CSF2RB: variants seen among roughly 807,000 people sequenced by gnomAD.
CSF2RB encodes colony stimulating factor 2 receptor subunit beta, also known as cytokine receptor common subunit beta.
Under a neutral mutation model 67.2 loss-of-function variants are expected in CSF2RB, and 22 were observed. That is an observed-to-expected ratio of 0.33 (90% confidence interval 0.23 to 0.47). The LOEUF (loss-of-function observed/expected upper bound fraction) is 0.47, where lower values mean the gene tolerates loss of function less well. Ranked by LOEUF, CSF2RB falls within the 20% of genes least tolerant of loss-of-function variation. The pLI, the probability that CSF2RB is intolerant of heterozygous loss-of-function variation, is 1.00. For synonymous variants in CSF2RB, 507 were observed against 482.9 expected (o/e 1.05, Z -0.65); for missense variants, 1,113 against 1,174.5 (o/e 0.95, Z 0.76).
intron 3 of CSF2RB, 141 bp downstream of exon 3, chr22:36,923,508 T>C (rs1450405823): frequency 1.5e-6 from 2 of 1,347,658 alleles, no homozygotes; most frequent in East Asian, 5.0e-5. Context: ...AGGGAGGCCC[T>C]GCAAGAGCTC....
chr22:36,924,096 G>A (rs1160616565), intron 3 of CSF2RB, among the ~76,000 whole-genome samples: 1 of 152,012 alleles, frequency 6.6e-6, no homozygotes, highest in Admixed American at 6.5e-5. Context: ...TTGGGGGGCG[G>A]GGCCGGCTCT....
chr22:36,925,956 C>A (rs765030023), intron 3 of CSF2RB, 31 bp from the exon 4 acceptor site: 1 of 1,613,274 alleles, frequency 6.2e-7, no homozygotes, highest in East Asian at 2.2e-5. Context: ...TACCCATACA[C>A]CCTGGGCTAA....
In CSF2RB at chr22:36,939,578, T is replaced by C. The variant is rs553486285; in HGVS notation, c.*1076T>C. 1 of 255,608 alleles carries C rather than the reference T, an allele frequency of 3.9e-6. No homozygotes were observed. The highest frequency in any genetic ancestry group is 8.5e-5 in the East Asian group (1 of 11,816). 15.8% of individuals were successfully genotyped at this position (255,608 alleles called of 1,614,324 possible). A position where few individuals can be genotyped will look rare whatever the true frequency, so the allele number is the denominator to read the frequency against. ...GGCATTAAATTGCTTTAATTTGCAT[T>C]ATTTTAGTTATCCAGTTTGCACATA... On this transcript the variant is annotated 3_prime_UTR_variant, in exon 14 of 14. Coordinates refer to ENST00000403662, the MANE Select transcript of CSF2RB (RefSeq NM_000395.3).
intron 3 of CSF2RB, 105 bp from the exon 4 acceptor site, chr22:36,925,882 C>A: frequency 7.9e-7 from 1 of 1,260,944 alleles, no homozygotes; most frequent in Non-Finnish European, 1.1e-6. Context: ...TCACTGCTGG[C>A]CCCTGATTCT....
chr22:36,937,727 T>C lies in CSF2RB; in HGVS notation c.1919T>C (p.Val640Ala). The C allele has an allele frequency of 6.4e-7, 1 of 1,558,986 alleles. No homozygotes were observed. The highest frequency in any genetic ancestry group is 2.4e-5 in the East Asian group (1 of 41,648). ...CCTGCTGGGGGGCAGGTGCAACTGG[T>C]CCCTCTGGCCCAGGCGATGGGACCA... The part of the protein sequence containing the change: ...CLPAGGQVQL[V>A]PLAQAMGPGQ... The change falls in exon 14 of 14, where the codon GTC (valine) becomes GCC (alanine). Residue 640 changes from valine (V) to alanine (A), a missense_variant. By Grantham distance (64) the Val-to-Ala change is moderately conservative. Transcript: ENST00000403662. The surrounding 1 kb of genome is among the most constrained non-coding windows in gnomAD (Gnocchi z 4.6).
In CSF2RB at chr22:36,926,784, GA is replaced by G. The variant is rs1448371241; in HGVS notation, c.391+610del. On this transcript the variant is annotated intron_variant, in intron 4 of 13. Transcript: ENST00000403662. Reference sequence around the variant, plus strand: ...GTTTTATTTGCCTCTATATTAGAAAGAAATATAACCTGCACTTCGAAGTCCT... The same window carrying G: ...GTTTTATTTGCCTCTATATTAGAAAGAATATAACCTGCACTTCGAAGTCCT... Among the ~76,000 whole-genome samples, 4 of 152,222 alleles carry G rather than the reference GA, an allele frequency of 2.6e-5. No homozygotes were observed. The East Asian group carries it at 7.7e-4, about 29-fold the overall frequency.
chr22:36,926,080 T>A lies in CSF2RB; in HGVS notation c.294T>A (p.Ile98=). The change falls in exon 4 of 14, where the codon ATT becomes ATA. Residue 98 remains isoleucine, a synonymous_variant. Transcript: ENST00000403662. ...HPRCVPRRCV[I]PCQSFVVTDV... ...GCTGCGTGCCCAGGAGATGTGTCAT[T>A]CCCTGCCAGAGTTTTGTCGTCACTG... 1 of 1,614,216 alleles carries A rather than the reference T, an allele frequency of 6.2e-7. No homozygotes were observed. Among genetic ancestry groups the A allele is most frequent in the Non-Finnish European group, 8.5e-7 (1 of 1,180,028 alleles).
rs373741377 is a variant in CSF2RB at position 36,927,917 on chromosome 22, T to G, written c.392-1485T>G. 4.9e-4 allele frequency among the ~76,000 whole-genome samples: 75 copies of G among 152,326 alleles called. No homozygotes were observed. The East Asian group carries it at 5.6e-3, about 11-fold the overall frequency. ...ATACACACAATTCATTCATTCAACC[T>G]TCTTTCCTTGAGCGCCTACATAAGC... On this transcript the variant is annotated intron_variant, in intron 4 of 13. Transcript: ENST00000403662.
At chr22:36,923,864 T>C (rs945390315) in intron 3 of CSF2RB, 23 of 1,096,368 alleles carry the variant, frequency 2.1e-5, no homozygotes, top group Non-Finnish European at 2.8e-5. Flanking sequence ...CAGAGCAAGC[T>C]GTGTGGACGT....
Position 36,922,374 on chromosome 22 carries a change from C to T in CSF2RB, c.76+91C>T, listed in dbSNP as rs949793082. ...CGCAGCGTATCCTCAGGATCCTGCC[C>T]GCCAGCCCTCCTCCTGCTCCCCTCC... On this transcript the variant is annotated intron_variant, in intron 2 of 13. Transcript: ENST00000403662. 9.7e-5 allele frequency: 124 copies of T among 1,275,618 alleles called. No individual in the cohort carries two copies. The African/African-American group carries it at 1.2e-3, about 12-fold the overall frequency. 79.0% of individuals were successfully genotyped at this position (1,275,618 alleles called of 1,614,324 possible).
At position 36,925,959 on chromosome 22, in the gene CSF2RB, T is replaced by C. The variant is rs764027265; in HGVS notation, c.201-28T>C. On this transcript the variant is annotated intron_variant, in intron 3 of 13. Transcript: ENST00000403662. ...GTGAGTCAGTGATACCCATACACCC[T>C]GGGCTAAGCCGTGTCCTCTCCCAAC... is the stretch of plus-strand genomic sequence containing the variant. 15 of 1,613,798 alleles carry C rather than the reference T, an allele frequency of 9.3e-6. No individual in the cohort carries two copies. In the Middle Eastern group the frequency reaches 6.6e-4, roughly 71 times the overall value.
At chr22:36,918,298 A>C (rs1940770511) in intron 1 of CSF2RB, among the ~76,000 whole-genome samples, 1 of 152,176 alleles carries the variant, frequency 6.6e-6, no homozygotes. Context: ...GCATTTTGTG[A>C]TTCTAGGTTT....
At chr22:36,928,260 A>G (rs540168367) in intron 4 of CSF2RB, among the ~76,000 whole-genome samples, 14 of 152,144 alleles carry the variant, frequency 9.2e-5, no homozygotes, top group African/African-American at 3.4e-4. Context: ...TGGACTCAAG[A>G]GGTTTCTCTT....
intron 10 of CSF2RB, among the ~76,000 whole-genome samples, chr22:36,934,537 C>T (rs1941227499): frequency 6.6e-6 from 1 of 152,198 alleles, no homozygotes; most frequent in South Asian, 2.1e-4. Flanking sequence ...TGTGGTTGCT[C>T]AGCCCGAGTT....
chr22:36,923,525 C>T (rs892517787), intron 3 of CSF2RB, among the ~76,000 whole-genome samples, 158 bp downstream of exon 3: 3 of 152,168 alleles, frequency 2.0e-5, no homozygotes, highest in East Asian at 3.9e-4. Flanking sequence ...GCTCCTGCTC[C>T]GCCAGGCACC....
chr22:36,932,860 C>A lies in CSF2RB; in HGVS notation c.1108C>A (p.His370Asn). The A allele has an allele frequency of 6.2e-7, 1 of 1,614,148 alleles. No individual in the cohort carries two copies. The highest frequency in any genetic ancestry group is 2.2e-5 in the East Asian group (1 of 44,890). Reference protein sequence around the residue: ...TMKMRYEHIDHTFEIQYRKDT... With the variant: ...TMKMRYEHIDNTFEIQYRKDT... ...GAAAATGCGATACGAACACATAGAC[C>A]ACACATTTGAGATCCAGTACAGGAA... The change falls in exon 9 of 14, where the codon CAC becomes AAC. Residue 370 changes from histidine (H) to asparagine (N), a missense_variant. Physicochemically the swap from His to Asn is moderately conservative, Grantham distance 68 (BLOSUM62 1). Around this residue, in one of 2 missense-constraint regions of CSF2RB, gnomAD observed 559 missense variants for 656.5 expected, o/e 0.85. Transcript: ENST00000403662.
chr22:36,922,932 G>A (rs1328226566), intron 2 of CSF2RB, among the ~76,000 whole-genome samples: 1 of 151,998 alleles, frequency 6.6e-6, no homozygotes, highest in Non-Finnish European at 1.5e-5. Flanking sequence ...CAGGGGCCAG[G>A]CCTGTGCTTG....
chr22:36,923,168 C>T, intron 2 of CSF2RB, 76 bp from the exon 3 acceptor site: 1 of 1,611,244 alleles, frequency 6.2e-7, no homozygotes, highest in Non-Finnish European at 8.5e-7. Flanking sequence ...GCGGGACATC[C>T]CAAAGCAGCT....
intron 3 of CSF2RB, among the ~76,000 whole-genome samples, chr22:36,924,014 A>C (rs1437138465): frequency 6.6e-6 from 1 of 152,138 alleles, no homozygotes; most frequent in Non-Finnish European, 1.5e-5. Context: ...GGTCTAAATC[A>C]GCCATAAATT....
Sources: allele counts gnomAD v4.1 joint callset (sites outside exome capture counted in the v4.1 genomes callset), GRCh38; gene constraint gnomAD v4.1.1; regional missense constraint gnomAD v4.1.1; non-coding constraint Gnocchi (gnomAD v3.1); transcripts MANE v1.5; gene names NCBI Gene and HGNC (gene_info 2026-07-23, HGNC 2026-07-21).